SEPTIN9: variants seen among roughly 807,000 people sequenced by gnomAD.
The protein encoded by SEPTIN9 is septin-9.
SEPTIN9 carries 13 observed loss-of-function variants against 56.6 expected under a neutral mutation model. The ratio of observed to expected loss-of-function variants is 0.23; its 90% CI spans 0.15 to 0.37. SEPTIN9 has a LOEUF of 0.37. Among genes scored for constraint, SEPTIN9 ranks in the 10% least tolerant of loss-of-function variants. SEPTIN9 has a pLI of 1.00. For missense variants in SEPTIN9, 650 were observed against 823.1 expected (o/e 0.79, Z 2.57); for synonymous variants, 332 against 334.1 (o/e 0.99, Z 0.07).
intron 2 of SEPTIN9, among the ~76,000 whole-genome samples, chr17:77,395,640 A>C (rs537040834): frequency 6.6e-6 from 1 of 152,018 alleles, no homozygotes; most frequent in Non-Finnish European, 1.5e-5. Context: ...AACAACACCC[A>C]CCGCCATTCA....
Position 77,385,798 on chromosome 17 carries a change from C to T in SEPTIN9, c.77-16261C>T, listed in dbSNP as rs977041414. 6.6e-5 allele frequency among the ~76,000 whole-genome samples: 10 copies of T among 152,276 alleles called. No individual in the cohort carries two copies. In the East Asian group the frequency reaches 1.9e-3, roughly 29 times the overall value. On this transcript the variant is annotated intron_variant, in intron 2 of 11. Coordinates refer to ENST00000427177, the MANE Select transcript of SEPTIN9 (RefSeq NM_001113491.2). ...CTGCTTGCTTCTGCATTTTTGGCCACAAGGAATGTGGGCCAAAGGCAGGGT... is the reference window on the plus strand; with the variant it reads ...CTGCTTGCTTCTGCATTTTTGGCCATAAGGAATGTGGGCCAAAGGCAGGGT...
chr17:77,290,261 T>G (rs1843973705), intron 1 of SEPTIN9, among the ~76,000 whole-genome samples: 1 of 146,108 alleles, frequency 6.8e-6, no homozygotes, highest in Admixed American at 6.8e-5. Flanking sequence ...AATAAATTCT[T>G]TTTTTTTTTT....
intron 1 of SEPTIN9, among the ~76,000 whole-genome samples, chr17:77,295,922 TC>T (rs1364359927): frequency 1.3e-5 from 2 of 152,140 alleles, no homozygotes; most frequent in Non-Finnish European, 2.9e-5. Context: ...ACTGTGCCCT[TC>T]CCCTTGAATT....
chr17:77,339,713 T>A (rs2033665617), intron 2 of SEPTIN9, among the ~76,000 whole-genome samples: 1 of 152,112 alleles, frequency 6.6e-6, no homozygotes, highest in South Asian at 2.1e-4. Flanking sequence ...TTTCACCATG[T>A]TGGCCAGGCT....
intron 1 of SEPTIN9, among the ~76,000 whole-genome samples, chr17:77,297,705 G>A (rs1330919843): frequency 1.3e-5 from 2 of 152,178 alleles, no homozygotes; most frequent in Non-Finnish European, 2.9e-5. Context: ...CAAGCACTGG[G>A]GCACAGCAGT....
At chr17:77,378,726 T>C (rs1348440372) in intron 2 of SEPTIN9, among the ~76,000 whole-genome samples, 1 of 152,132 alleles carries the variant, frequency 6.6e-6, no homozygotes, top group Non-Finnish European at 1.5e-5. Context: ...AGGCTCCCAG[T>C]GCAGCCATGG....
At chr17:77,418,307 C>T (rs375562498) in intron 3 of SEPTIN9, among the ~76,000 whole-genome samples, 1 of 152,198 alleles carries the variant, frequency 6.6e-6, no homozygotes, top group East Asian at 1.9e-4. Context: ...CCCACGGCCT[C>T]CTTGTCAGGC....
At chr17:77,308,881 C>T (rs1187498387) in intron 2 of SEPTIN9, among the ~76,000 whole-genome samples, 1 of 152,184 alleles carries the variant, frequency 6.6e-6, no homozygotes, top group Non-Finnish European at 1.5e-5. Context: ...ATGTGAGGCC[C>T]CTTGCAGTAC....
intron 3 of SEPTIN9, among the ~76,000 whole-genome samples, chr17:77,419,473 C>A (rs796865058): frequency 3.3e-5 from 5 of 151,824 alleles, no homozygotes; most frequent in African/African-American, 9.7e-5. Flanking sequence ...GAAGAGGGGC[C>A]GTAATCAGCA....
chr17:77,419,719 G>C (rs748073935), intron 3 of SEPTIN9: 1 of 152,506 alleles, frequency 6.6e-6, no homozygotes, highest in Non-Finnish European at 1.5e-5. Flanking sequence ...ATAGGAGAGG[G>C]CTGGGATGGG....
At position 77,453,439 on chromosome 17, in the gene SEPTIN9, C is replaced by G. The variant is rs1376894621; in HGVS notation, c.722-28705C>G. Among the ~76,000 whole-genome samples, 2 of 152,060 alleles carry G rather than the reference C, an allele frequency of 1.3e-5. No individual in the cohort carries two copies. Among genetic ancestry groups the G allele is most frequent in the Admixed American group, 6.6e-5 (1 of 15,262 alleles). On this transcript the variant is annotated intron_variant, in intron 3 of 11. Coordinates refer to ENST00000427177, the MANE Select transcript of SEPTIN9 (RefSeq NM_001113491.2). This position sits in a 1 kb window ranked among gnomAD's most constrained non-coding sequence, Gnocchi z 4.4. Reference sequence around the variant, plus strand: ...TGGCCAACATGGTGAAACCCTGTCTCTACTAAAAATACTGGCTAATCCGGG... The same window carrying G: ...TGGCCAACATGGTGAAACCCTGTCTGTACTAAAAATACTGGCTAATCCGGG...
At chr17:77,300,952 A>C (rs1598485854) in intron 1 of SEPTIN9, among the ~76,000 whole-genome samples, 2 of 70,010 alleles carry the variant, frequency 2.9e-5, no homozygotes, top group African/African-American at 5.8e-5. Flanking sequence ...AAGCACCCCC[A>C]CCCCAGGCTC....
At chr17:77,396,714 G>A (rs553412043) in intron 2 of SEPTIN9, among the ~76,000 whole-genome samples, 32 of 152,284 alleles carry the variant, frequency 2.1e-4, no homozygotes, top group African/African-American at 7.7e-4. Context: ...ATGTTTCCCG[G>A]CTGGGTACAA....
intron 2 of SEPTIN9, among the ~76,000 whole-genome samples, chr17:77,316,444 C>A (rs1181857011): frequency 6.6e-6 from 1 of 152,236 alleles, no homozygotes; most frequent in Non-Finnish European, 1.5e-5. Flanking sequence ...CCAAACCATG[C>A]TGGGTAAAAC....
intron 2 of SEPTIN9, among the ~76,000 whole-genome samples, chr17:77,325,005 G>A (rs1567994292): frequency 6.6e-6 from 1 of 151,936 alleles, no homozygotes; most frequent in Admixed American, 6.6e-5. Context: ...TTTTAGTAGA[G>A]ACGGGGTTTC....
rs1010628003 is a variant in SEPTIN9, at chr17:77,373,103, C to T, written c.77-28956C>T. On this transcript the variant is annotated intron_variant, in intron 2 of 11. Coordinates refer to ENST00000427177, the MANE Select transcript of SEPTIN9 (RefSeq NM_001113491.2). ...GGGCTGAGGCCGCGTCTCTCGCCGT[C>T]CCCTGGGCGCGGGCCAGGCGGGGAG... 11 of 787,528 alleles carry T rather than the reference C, an allele frequency of 1.4e-5. No homozygotes were observed. The East Asian group carries it at 8.6e-4, about 62-fold the overall frequency. The allele number at this position is 787,528 out of a possible 1,614,324, so 48.8% of individuals were successfully genotyped here.
intron 1 of SEPTIN9, among the ~76,000 whole-genome samples, chr17:77,284,364 A>AG (rs1299067709): frequency 6.6e-6 from 1 of 152,238 alleles, no homozygotes; most frequent in Non-Finnish European, 1.5e-5. Flanking sequence ...TGCAGGATCC[A>AG]GGGGGACACT....
At chr17:77,385,021 A>G (rs67129266) in intron 2 of SEPTIN9, among the ~76,000 whole-genome samples, 60,399 of 152,024 alleles carry the variant, frequency 0.4, 12,637 homozygotes, top group Non-Finnish European at 0.47. Context: ...TTCCTTTTAC[A>G]GTCAGGAACA....
At chr17:77,409,214 CCTT>C (rs1270337366) in intron 3 of SEPTIN9, among the ~76,000 whole-genome samples, 1 of 152,310 alleles carries the variant, frequency 6.6e-6, no homozygotes, top group East Asian at 1.9e-4. Flanking sequence ...CAAGTACCCT[CCTT>C]CTCCGAACTG....
Sources: gnomAD v4.1 joint callset for allele counts (sites outside exome capture counted in the v4.1 genomes callset) on GRCh38, gnomAD v4.1.1 for gene constraint, Gnocchi (gnomAD v3.1) non-coding constraint, MANE v1.5 for transcripts, NCBI Gene and HGNC (gene_info 2026-07-23, HGNC 2026-07-21) for gene names.